Variants in CYP4F22 observed in about 807,000 individuals in gnomAD.
The protein encoded by CYP4F22 is cytochrome P450 family 4 subfamily F member 22.
In CYP4F22, 37 loss-of-function variants were observed where a neutral mutation model predicts 60.4. That is an observed-to-expected ratio of 0.61 (90% CI 0.47 to 0.81). CYP4F22 has a LOEUF of 0.81. CYP4F22 is among the 30% of genes least tolerant of loss of function. The pLI, the probability that CYP4F22 is intolerant of heterozygous loss-of-function variation, is 0.00. For synonymous variants in CYP4F22, 258 were observed against 280.5 expected (o/e 0.92, Z 0.80); for missense variants, 655 against 715.0 (o/e 0.92, Z 0.96).
intron 3 of CYP4F22, 38 bp downstream of exon 3, chr19:15,525,596 G>T: frequency 6.3e-7 from 1 of 1,586,584 alleles, no homozygotes; most frequent in South Asian, 1.1e-5. Flanking sequence ...GGGCTGGGCT[G>T]GGCATGTGCA....
chr19:15,517,250 C>A (rs1273509), intron 1 of CYP4F22, among the ~76,000 whole-genome samples: 3,368 of 152,232 alleles, frequency 0.022, 122 homozygotes, highest in African/African-American at 0.078. Context: ...CCCCAATGTA[C>A]CTTTCATGGT....
chr19:15,533,133 T>C (rs1971361338), intron 4 of CYP4F22, among the ~76,000 whole-genome samples: 2 of 152,210 alleles, frequency 1.3e-5, no homozygotes, highest in South Asian at 4.1e-4. Context: ...CATCATCTTA[T>C]GGGCCTTTGG....
At chr19:15,521,844 C>T (rs1971229429) in intron 1 of CYP4F22, among the ~76,000 whole-genome samples, 1 of 151,950 alleles carries the variant, frequency 6.6e-6, no homozygotes, top group Non-Finnish European at 1.5e-5. Flanking sequence ...CTTGTTTAAT[C>T]TTAAAAGGAA....
chr19:15,542,710 C>T (rs749585171), intron 8 of CYP4F22, among the ~76,000 whole-genome samples: 4 of 143,844 alleles, frequency 2.8e-5, no homozygotes, highest in African/African-American at 5.2e-5. Context: ...CCTCCTCCTG[C>T]CACCCTGATA....
rs1238119389 is a variant in CYP4F22 at position 15,537,646 on chromosome 19, G to T, written c.533G>T (p.Ser178Ile). The change falls in exon 6 of 14, where the codon AGC (serine) becomes ATC (isoleucine). Residue 178 changes from serine to isoleucine, a missense_variant. This residue lies in a region of CYP4F22 where 430 missense variants were observed against 457.1 expected (regional missense o/e 0.94). Transcript: ENST00000269703. ...CCTTACATGAAGATCTTCAACCAGA[G>T]CGCTGACATTATGCATGTGAGTCCT... Reference protein sequence around the residue: ...LKPYMKIFNQSADIMHAKWRH... With the variant: ...LKPYMKIFNQIADIMHAKWRH... 1 of 1,613,370 alleles carries T rather than the reference G, an allele frequency of 6.2e-7. No homozygotes were observed. Among genetic ancestry groups the T allele is most frequent in the South Asian group, 1.1e-5 (1 of 91,074 alleles).
At chr19:15,532,795 G>A (rs945458897) in intron 4 of CYP4F22, among the ~76,000 whole-genome samples, 2 of 152,156 alleles carry the variant, frequency 1.3e-5, no homozygotes, top group Non-Finnish European at 2.9e-5. Flanking sequence ...TGCCCCAGCA[G>A]GGGCTGTCAT....
chr19:15,527,690 G>A (rs1057367418), intron 3 of CYP4F22, among the ~76,000 whole-genome samples: 8 of 152,332 alleles, frequency 5.3e-5, no homozygotes, highest in African/African-American at 1.2e-4. Context: ...TGAGCCTGAC[G>A]GGGAAGGAGA....
rs1413814462 is a variant in CYP4F22, at chr19:15,551,606, T to C, written c.*135T>C. 2.0e-5 allele frequency: 22 copies of C among 1,123,512 alleles called. No individual in the cohort carries two copies. In the East Asian group the frequency reaches 5.7e-4, roughly 29 times the overall value. The allele number at this position is 1,123,512 out of a possible 1,614,324, so 69.6% of individuals were successfully genotyped here. A position where few individuals can be genotyped will look rare whatever the true frequency, so the allele number is the denominator to read the frequency against. The stretch of plus-strand genomic sequence containing the variant: ...CAGCTCCTGGATGACCAGGCACCGC[T>C]GTTGAGCAGCCTGGTGGTACTGGCC... On this transcript the variant is annotated 3_prime_UTR_variant, in exon 14 of 14. Transcript: ENST00000269703.
chr19:15,526,127 C>T (rs71334776), intron 3 of CYP4F22, among the ~76,000 whole-genome samples: 2 of 151,746 alleles, frequency 1.3e-5, no homozygotes, highest in Non-Finnish European at 1.5e-5. Context: ...ATTGTGCCAC[C>T]GCATTCTAGC....
chr19:15,540,313 G>C (rs1355014123), intron 7 of CYP4F22, 137 bp from the exon 8 acceptor site: 42 of 1,060,950 alleles, frequency 4.0e-5, no homozygotes, highest in Non-Finnish European at 5.4e-5. Flanking sequence ...ATAAATAAAT[G>C]AATTTAAAAA....
At chr19:15,517,900 C>T (rs1014535266) in intron 1 of CYP4F22, among the ~76,000 whole-genome samples, 1 of 152,070 alleles carries the variant, frequency 6.6e-6, no homozygotes, top group Non-Finnish European at 1.5e-5. Context: ...TGTGCAAAGG[C>T]TCTGAGACGG....
chr19:15,510,407 G>A (rs1971076145), intron 1 of CYP4F22, among the ~76,000 whole-genome samples: 4 of 152,184 alleles, frequency 2.6e-5, no homozygotes, highest in African/African-American at 9.6e-5. Flanking sequence ...CTTACTATGT[G>A]CCTGGAAGAT....
At chr19:15,547,123 A>C (rs138544275) in intron 10 of CYP4F22, among the ~76,000 whole-genome samples, 1,730 of 147,608 alleles carry the variant, frequency 0.012, 20 homozygotes, top group East Asian at 0.032. Flanking sequence ...TTCCGGGTTC[A>C]AGCAATTCTC....
At chr19:15,531,804 T>A (rs1179654917) in intron 4 of CYP4F22, among the ~76,000 whole-genome samples, 1 of 152,088 alleles carries the variant, frequency 6.6e-6, no homozygotes, top group Non-Finnish European at 1.5e-5. Flanking sequence ...GAAGCCTGAA[T>A]AATATAATGT....
intron 1 of CYP4F22, among the ~76,000 whole-genome samples, chr19:15,514,635 C>T (rs1339417872): frequency 1.3e-5 from 2 of 151,896 alleles, no homozygotes; most frequent in Non-Finnish European, 2.9e-5. Context: ...TGTGCCGTTG[C>T]ACTCCAGCCT....
chr19:15,530,266 G>A (rs1971328401), intron 4 of CYP4F22, among the ~76,000 whole-genome samples: 1 of 152,168 alleles, frequency 6.6e-6, no homozygotes, highest in Non-Finnish European at 1.5e-5. Context: ...GACTGGCAGG[G>A]AGGGAGATGT....
At chr19:15,550,112 G>A (rs1971577293) in intron 12 of CYP4F22, among the ~76,000 whole-genome samples, 1 of 152,006 alleles carries the variant, frequency 6.6e-6, no homozygotes, top group South Asian at 2.1e-4. Flanking sequence ...TGTATTTTTA[G>A]TAGAGATGGG....
In CYP4F22 at chr19:15,515,362, A is replaced by G. The variant is rs987140626; in HGVS notation, c.-109+6779A>G. On this transcript the variant is annotated intron_variant, in intron 1 of 13. Transcript: ENST00000269703. ...GGTTCAGCACCTCCCACACACAGACATTGATCCATTTCCTGTTCTTGGCAT... is the reference window on the plus strand; with the variant it reads ...GGTTCAGCACCTCCCACACACAGACGTTGATCCATTTCCTGTTCTTGGCAT... 5 of 1,224,302 alleles carry G rather than the reference A, an allele frequency of 4.1e-6. No homozygotes were observed. In the African/African-American group the frequency reaches 7.5e-5, roughly 18 times the overall value. 75.8% of individuals were successfully genotyped at this position (1,224,302 alleles called of 1,614,324 possible).
In CYP4F22 at chr19:15,551,700, C is replaced by G; in HGVS notation, c.*229C>G. The G allele has an allele frequency of 3.3e-6, 2 of 610,340 alleles. No individual in the cohort carries two copies. Among genetic ancestry groups the G allele is most frequent in the Non-Finnish European group, 5.7e-6 (2 of 348,254 alleles). The allele number at this position is 610,340 out of a possible 1,614,324, so 37.8% of individuals were successfully genotyped here. A position where few individuals can be genotyped will look rare whatever the true frequency, so the allele number is the denominator to read the frequency against. ...CGCCCCTTGAGGCTTAGGTCCCGCC[C>G]CCTGACTTCTCGCACCTGTCCTGTT... On this transcript the variant is annotated 3_prime_UTR_variant, in exon 14 of 14. Coordinates refer to ENST00000269703, the MANE Select transcript of CYP4F22 (RefSeq NM_173483.4).
Sources: gnomAD v4.1 joint callset for allele counts (sites outside exome capture counted in the v4.1 genomes callset) on GRCh38, gnomAD v4.1.1 for gene constraint, gnomAD v4.1.1 regional missense constraint, MANE v1.5 for transcripts, NCBI Gene and HGNC (gene_info 2026-07-23, HGNC 2026-07-21) for gene names.